APOLD1: variants seen among roughly 807,000 people sequenced by gnomAD.
APOLD1 encodes the protein apolipoprotein L domain-containing protein 1.
APOLD1 carries 22 observed loss-of-function variants against 15.3 expected under a neutral mutation model. That is an observed-to-expected ratio of 1.44 (90% CI 1.03 to 2.05). APOLD1 has a LOEUF of 2.05. Ranked by LOEUF, APOLD1 falls within the 30% of genes most tolerant of loss-of-function variation. The pLI is 0.00. For synonymous variants in APOLD1, 190 were observed against 167.4 expected, an observed-to-expected ratio of 1.13 and a Z score of -1.04; for missense variants, 394 against 353.5, an observed-to-expected ratio of 1.11 and a Z score of -0.92.
At chr12:12,752,627 C>T (rs1006178596) in intron 1 of APOLD1, among the ~76,000 whole-genome samples, 2 of 152,000 alleles carry the variant, frequency 1.3e-5, no homozygotes, top group Non-Finnish European at 1.5e-5. Flanking sequence ...AAAAAAATCA[C>T]AACTGCATTG....
chr12:12,734,596 A>G (rs1054231475), intron 1 of APOLD1, among the ~76,000 whole-genome samples: 1 of 152,234 alleles, frequency 6.6e-6, no homozygotes, highest in Non-Finnish European at 1.5e-5. Context: ...CCTAGTCAAG[A>G]TCACACATTC....
At chr12:12,741,241 C>T (rs1419659326) in intron 1 of APOLD1, among the ~76,000 whole-genome samples, 1 of 152,210 alleles carries the variant, frequency 6.6e-6, no homozygotes, top group African/African-American at 2.4e-5. Flanking sequence ...GGGTCTTGCT[C>T]TGTCGCCCTG....
chr12:12,744,043 T>A (rs376759285), intron 1 of APOLD1, among the ~76,000 whole-genome samples: 1 of 152,202 alleles, frequency 6.6e-6, no homozygotes, highest in South Asian at 2.1e-4. Flanking sequence ...TGGCTGGGCG[T>A]GGTGGCTCAT....
chr12:12,770,567 G>GAAAAAAAAAAAAAAAAAAAAAAAA (rs36112693), intron 1 of APOLD1, among the ~76,000 whole-genome samples: 1 of 119,270 alleles, frequency 8.4e-6, no homozygotes, highest in Non-Finnish European at 1.8e-5. Flanking sequence ...AAAAAAGACT[G>GAAAAAAAAAAAAAAAAAAAAAAAA]AAAAAAAAAA....
intron 1 of APOLD1, among the ~76,000 whole-genome samples, chr12:12,744,133 T>C (rs578259762): frequency 1.4e-4 from 22 of 151,888 alleles, no homozygotes; most frequent in Admixed American, 1.4e-3. Flanking sequence ...CTGGGGAACA[T>C]AGCAAGACTG....
intron 1 of APOLD1, among the ~76,000 whole-genome samples, chr12:12,749,590 C>A (rs1382301647): frequency 1.3e-5 from 2 of 152,170 alleles, no homozygotes; most frequent in East Asian, 3.9e-4. Flanking sequence ...TAGTTGTTTG[C>A]ACAGGAGTGT....
At chr12:12,755,390 G>A (rs891454695) in intron 1 of APOLD1, among the ~76,000 whole-genome samples, 2 of 152,098 alleles carry the variant, frequency 1.3e-5, no homozygotes, top group Non-Finnish European at 2.9e-5. Flanking sequence ...TACCCAAACC[G>A]TAAAGGAAAA....
At chr12:12,750,394 A>AAAG (rs71064320) in intron 1 of APOLD1, among the ~76,000 whole-genome samples, 120 of 148,026 alleles carry the variant, frequency 8.1e-4, no homozygotes, top group Non-Finnish European at 1.6e-3. Flanking sequence ...AAAAAAAAAA[A>AAAG]GGAAATTGGG....
In APOLD1 at chr12:12,746,997, T is replaced by G. The variant is rs368575758; in HGVS notation, c.96+20901T>G. On this transcript the variant is annotated intron_variant, in intron 1 of 1. Coordinates refer to the APOLD1 transcript ENST00000326765. ...TTCATTCTTTTTTATGGCTGCATATTCTCTAATGTTAATTGATAATGCCAG... is the reference window on the plus strand; with the variant it reads ...TTCATTCTTTTTTATGGCTGCATATGCTCTAATGTTAATTGATAATGCCAG... 2.1e-4 allele frequency among the ~76,000 whole-genome samples: 32 copies of G among 152,344 alleles called. No individual in the cohort carries two copies. The East Asian group carries it at 5.0e-3, about 24-fold the overall frequency.
intron 1 of APOLD1, among the ~76,000 whole-genome samples, chr12:12,769,297 A>G (rs2136391022): frequency 6.6e-6 from 1 of 152,184 alleles, no homozygotes; most frequent in South Asian, 2.1e-4. Flanking sequence ...AAACTGAAAA[A>G]TCAACAGCTC....
rs1216807217 is a variant in APOLD1, at chr12:12,790,971, CAA to C, written c.*3321_*3322del. ...TGATAAGTGTACTTCACAAAAATGC[CAA>C]AGTTTGAAAAATAGGTATGTTTGTT... On this transcript the variant is annotated 3_prime_UTR_variant, in exon 2 of 2. Transcript: ENST00000356591. 2 of 152,078 alleles carry C rather than the reference CAA, an allele frequency of 1.3e-5. No individual in the cohort carries two copies. The highest frequency in any genetic ancestry group is 4.8e-5 in the African/African-American group (2 of 41,406). The allele number at this position is 152,078 out of a possible 1,614,324, so 9.4% of individuals were successfully genotyped here.
chr12:12,742,800 T>TGGA (rs1946738295), intron 1 of APOLD1, among the ~76,000 whole-genome samples: 2 of 150,578 alleles, frequency 1.3e-5, no homozygotes, highest in Non-Finnish European at 3.0e-5. Flanking sequence ...GGTCTCACTC[T>TGGA]GTCACCCAGG....
At chr12:12,747,773 G>GA (rs1946778109) in intron 1 of APOLD1, among the ~76,000 whole-genome samples, 1 of 152,152 alleles carries the variant, frequency 6.6e-6, no homozygotes, top group African/African-American at 2.4e-5. Flanking sequence ...TGAAATGTAA[G>GA]AAAAAAGGAA....
chr12:12,728,131 G>GT (rs528266087), intron 1 of APOLD1, among the ~76,000 whole-genome samples: 54 of 148,526 alleles, frequency 3.6e-4, no homozygotes, highest in Admixed American at 2.4e-3. Flanking sequence ...ACATCCAGCA[G>GT]TTTTTTTTTT....
chr12:12,746,807 C>A (rs1946770324), intron 1 of APOLD1, among the ~76,000 whole-genome samples: 1 of 152,100 alleles, frequency 6.6e-6, no homozygotes, highest in African/African-American at 2.4e-5. Flanking sequence ...CCCTTCCCTC[C>A]TTCTGGAGTG....
intron 1 of APOLD1, among the ~76,000 whole-genome samples, chr12:12,754,996 A>G (rs1211432022): frequency 6.6e-6 from 1 of 152,040 alleles, no homozygotes; most frequent in Non-Finnish European, 1.5e-5. Context: ...GCAGTGAGCC[A>G]TGATCAGCCA....
rs1946650287 is a variant in APOLD1, at chr12:12,732,746, GAAAAGAA to G, written c.96+6661_96+6667del. ...CTCTGTCTCAAAAAAAAAAAAAAAA[GAAAAGAA>G]AAAAGAAAAAGAAAAAGCATGTACT... On this transcript the variant is annotated intron_variant, in intron 1 of 1. Transcript: ENST00000326765. Among the ~76,000 whole-genome samples the G allele has an allele frequency of 6.4e-5, 9 of 140,586 alleles. No homozygotes were observed. The South Asian group carries it at 1.6e-3, about 25-fold the overall frequency. 92.2% of individuals were successfully genotyped at this position (140,586 alleles called of 152,430 possible). A position where few individuals can be genotyped will look rare whatever the true frequency, so the allele number is the denominator to read the frequency against.
chr12:12,762,433 C>A (rs1303032245), intron 1 of APOLD1, among the ~76,000 whole-genome samples: 1 of 152,172 alleles, frequency 6.6e-6, no homozygotes, highest in Non-Finnish European at 1.5e-5. Flanking sequence ...CGGCTCACTG[C>A]AACCTCTGCC....
chr12:12,744,679 C>T (rs774707446), intron 1 of APOLD1, among the ~76,000 whole-genome samples: 2 of 152,144 alleles, frequency 1.3e-5, no homozygotes, highest in Non-Finnish European at 2.9e-5. Context: ...TGGACACTGC[C>T]GCTGGGATCA....
Sources: gnomAD v4.1 joint callset for allele counts (sites outside exome capture counted in the v4.1 genomes callset) on GRCh38, gnomAD v4.1.1 for gene constraint, MANE v1.5 for transcripts, NCBI Gene and HGNC (gene_info 2026-07-23, HGNC 2026-07-21) for gene names.